Variants in IQCM observed in about 807,000 individuals in gnomAD.
IQCM encodes the protein IQ motif containing M, also known as IQ domain-containing protein M.
In IQCM, 45 loss-of-function variants were observed where a neutral mutation model predicts 57.6. That is an observed-to-expected ratio of 0.78 (90% confidence interval 0.62 to 1.00). The LOEUF (loss-of-function observed/expected upper bound fraction) is 1.00. IQCM is among the 50% of genes least tolerant of loss of function. The pLI, the probability that IQCM is intolerant of heterozygous loss-of-function variation, is 0.00. For missense variants in IQCM, 468 were observed against 511.6 expected, an observed-to-expected ratio of 0.91 and a Z score of 0.82; for synonymous variants, 148 against 158.9, an observed-to-expected ratio of 0.93 and a Z score of 0.51.
intron 12 of IQCM, among the ~76,000 whole-genome samples, chr4:149,523,917 G>A (rs961870308): frequency 2.0e-5 from 3 of 152,138 alleles, no homozygotes; most frequent in African/African-American, 7.2e-5. Context: ...TGAAGAGTGG[G>A]TGGAAATAGT....
At chr4:149,683,146 T>C (rs1762303630) in intron 6 of IQCM, among the ~76,000 whole-genome samples, 1 of 151,210 alleles carries the variant, frequency 6.6e-6, no homozygotes, top group South Asian at 2.1e-4. Flanking sequence ...TAGAAATTCA[T>C]TGTATAGATT....
chr4:149,382,974 A>T (rs1482969257), intron 13 of IQCM, among the ~76,000 whole-genome samples: 1 of 150,470 alleles, frequency 6.6e-6, no homozygotes, highest in Non-Finnish European at 1.5e-5. Context: ...TTTTGACATT[A>T]ATGGTCATAT....
intron 9 of IQCM, among the ~76,000 whole-genome samples, chr4:149,568,833 G>C (rs1750884354): frequency 6.6e-6 from 1 of 152,100 alleles, no homozygotes; most frequent in African/African-American, 2.4e-5. Context: ...TAGAAGCACA[G>C]TGCAGTATAT....
At chr4:149,424,095 T>C (rs1734305363) in intron 13 of IQCM, among the ~76,000 whole-genome samples, 3 of 151,910 alleles carry the variant, frequency 2.0e-5, no homozygotes, top group Non-Finnish European at 2.9e-5. Flanking sequence ...GGGCTGAGAA[T>C]TACAGTGGGG....
chr4:149,376,145 C>T (rs2111006774), intron 13 of IQCM, among the ~76,000 whole-genome samples: 1 of 152,172 alleles, frequency 6.6e-6, no homozygotes, highest in South Asian at 2.1e-4. Flanking sequence ...TGTTTTCATA[C>T]ATTTTGATTT....
chr4:149,612,634 T>G (rs1042956610), intron 8 of IQCM, among the ~76,000 whole-genome samples: 2 of 151,900 alleles, frequency 1.3e-5, no homozygotes, highest in Non-Finnish European at 2.9e-5. Flanking sequence ...AAAAAGCGGG[T>G]TTTTTTGGTA....
At chr4:149,404,458 G>T (rs1390549498) in intron 13 of IQCM, among the ~76,000 whole-genome samples, 2 of 152,050 alleles carry the variant, frequency 1.3e-5, no homozygotes, top group Non-Finnish European at 2.9e-5. Flanking sequence ...TACCCTGAGA[G>T]TTCAAACGTT....
intron 13 of IQCM, among the ~76,000 whole-genome samples, chr4:149,373,730 T>C (rs930865212): frequency 6.6e-6 from 1 of 152,102 alleles, no homozygotes; most frequent in Non-Finnish European, 1.5e-5. Flanking sequence ...TTTCTATTCA[T>C]GGATATTGAT....
At chr4:149,558,079 TC>T (rs1161583118) in intron 10 of IQCM, among the ~76,000 whole-genome samples, 2 of 152,210 alleles carry the variant, frequency 1.3e-5, no homozygotes, top group African/African-American at 4.8e-5. Flanking sequence ...ATTCTGGTTT[TC>T]TTCTTACCTC....
At chr4:149,429,932 T>A (rs1273331375) in intron 13 of IQCM, 1 of 1,110,232 alleles carries the variant, frequency 9.0e-7, no homozygotes, top group East Asian at 3.2e-5. Flanking sequence ...CACTTGCATA[T>A]TTCCTTTTAA....
intron 13 of IQCM, among the ~76,000 whole-genome samples, chr4:149,401,762 T>C (rs1732633993): frequency 6.6e-6 from 1 of 151,828 alleles, no homozygotes; most frequent in Admixed American, 6.6e-5. Context: ...GTAATGAATC[T>C]GTTTCTGAAT....
intron 13 of IQCM, among the ~76,000 whole-genome samples, chr4:149,404,447 G>C (rs1442026456): frequency 1.3e-5 from 2 of 152,046 alleles, no homozygotes; most frequent in Non-Finnish European, 2.9e-5. Context: ...TCAAACAAGA[G>C]TACCCTGAGA....
intron 2 of IQCM, among the ~76,000 whole-genome samples, chr4:149,812,195 T>C (rs1276517449): frequency 1.3e-5 from 2 of 152,162 alleles, no homozygotes; most frequent in African/African-American, 4.8e-5. Context: ...GAAATACAAA[T>C]GCTTCTTTTA....
chr4:149,691,848 T>C (rs1171609487), intron 5 of IQCM: 1 of 152,148 alleles, frequency 6.6e-6, no homozygotes, highest in East Asian at 1.9e-4. Flanking sequence ...ATAATATTAT[T>C]TTGAAAGCAA....
chr4:149,742,965 G>T (rs1219698641), intron 2 of IQCM, among the ~76,000 whole-genome samples: 3 of 152,046 alleles, frequency 2.0e-5, no homozygotes, highest in Non-Finnish European at 4.4e-5. Flanking sequence ...GCCTTACTGG[G>T]TCTAGGCAAC....
intron 5 of IQCM, among the ~76,000 whole-genome samples, chr4:149,694,683 T>G (rs1763208270): frequency 6.6e-6 from 1 of 152,140 alleles, no homozygotes; most frequent in Non-Finnish European, 1.5e-5. Flanking sequence ...AAATTCAGTG[T>G]CAGAAAAGGG....
At chr4:149,636,262 C>A (rs1757711081) in intron 7 of IQCM, among the ~76,000 whole-genome samples, 1 of 152,166 alleles carries the variant, frequency 6.6e-6, no homozygotes, top group Non-Finnish European at 1.5e-5. Flanking sequence ...ACCACAGAAG[C>A]AGGCAAGAAG....
chr4:149,436,526 C>T (rs1252199325), intron 12 of IQCM, among the ~76,000 whole-genome samples: 2 of 152,064 alleles, frequency 1.3e-5, no homozygotes, highest in African/African-American at 2.4e-5. Flanking sequence ...TTGGAACTTA[C>T]ACAAACTTAA....
At chr4:149,733,218 A>AT in intron 5 of IQCM, 26 bp downstream of exon 5, 1 of 1,231,144 alleles carries the variant, frequency 8.1e-7, no homozygotes, top group Non-Finnish European at 1.0e-6. Context: ...AGTTTGCTGA[A>AT]TTTCTTCACT....
Sources: gnomAD v4.1 joint callset for allele counts (sites outside exome capture counted in the v4.1 genomes callset) on GRCh38, gnomAD v4.1.1 for gene constraint, MANE v1.5 for transcripts, NCBI Gene and HGNC (gene_info 2026-07-23, HGNC 2026-07-21) for gene names.